The following SPATC1L variants were observed in gnomAD, a reference collection of about 807,000 sequenced individuals.
SPATC1L encodes spermatogenesis and centriole associated 1 like.
Under a neutral mutation model 21.2 loss-of-function variants are expected in SPATC1L, and 20 were observed. The ratio of observed to expected loss-of-function variants is 0.94; its 90% CI spans 0.66 to 1.37. The LOEUF (loss-of-function observed/expected upper bound fraction) is 1.37, where lower values mean the gene tolerates loss of function less well. Ranked by LOEUF, SPATC1L falls within the 40% of genes most tolerant of loss-of-function variation. SPATC1L has a pLI of 0.00. For missense variants in SPATC1L, 499 were observed against 478.7 expected, an observed-to-expected ratio of 1.04 and a Z score of -0.40; for synonymous variants, 290 against 234.5, an observed-to-expected ratio of 1.24 and a Z score of -2.16.
chr21:46,168,433 A>C lies in SPATC1L; in HGVS notation c.419T>G (p.Leu140Trp). 2 of 1,611,016 alleles carry C rather than the reference A, an allele frequency of 1.2e-6. No individual in the cohort carries two copies. The highest frequency in any genetic ancestry group is 1.7e-6 in the Non-Finnish European group (2 of 1,178,502). The change falls in exon 3 of 5, where the codon TTG becomes TGG. Residue 140 changes from leucine (L) to tryptophan (W), a missense_variant. Coordinates refer to ENST00000291672, the MANE Select transcript of SPATC1L (RefSeq NM_001142854.2). ...GGTCTTGTCCACCAGTGAGTCTTGCAAGGGGCTCAGGAGCGGGGACAGCTT... is the reference window on the plus strand; with the variant it reads ...GGTCTTGTCCACCAGTGAGTCTTGCCAGGGGCTCAGGAGCGGGGACAGCTT... ...DRKLSPLLSP[L>W]QDSLVDKTLL...
chr21:46,162,002 C>T lies in SPATC1L; in HGVS notation c.610G>A (p.Asp204Asn). The change falls in exon 4 of 5, where the codon GAC becomes AAC. Residue 204 changes from aspartate to asparagine, a missense_variant. Coordinates refer to ENST00000291672, the MANE Select transcript of SPATC1L (RefSeq NM_001142854.2). Reference protein sequence around the residue: ...RVVGEIAFQLDRRILAYVFPG... With the variant: ...RVVGEIAFQLNRRILAYVFPG... ...AACACGTAGGCCAGGATGCGGCGGT[C>T]CAGCTGGAAGGCGATCTCGCCCACC... 6.2e-7 allele frequency: 1 copy of T among 1,603,344 alleles called. No homozygotes were observed. The highest frequency in any genetic ancestry group is 8.5e-7 in the Non-Finnish European group (1 of 1,177,144).
chr21:46,168,780 T>C, intron 2 of SPATC1L, 122 bp from the exon 3 acceptor site: 1 of 550,734 alleles, frequency 1.8e-6, no homozygotes, highest in Non-Finnish European at 2.8e-6. Context: ...CCTGCCGGGG[T>C]TTCCCTGGCT....
chr21:46,169,249 T>C (rs2079564238), intron 2 of SPATC1L, among the ~76,000 whole-genome samples: 1 of 151,558 alleles, frequency 6.6e-6, no homozygotes, highest in African/African-American at 2.4e-5. Context: ...CCTTCTGCTC[T>C]GTGAGCATCC....
At chr21:46,164,942 A>G (rs189254534) in intron 3 of SPATC1L, among the ~76,000 whole-genome samples, 1 of 152,300 alleles carries the variant, frequency 6.6e-6, no homozygotes, top group African/African-American at 2.4e-5. Context: ...TGTAAGATCC[A>G]GCCAAAAACC....
At position 46,172,954 on chromosome 21, in the gene SPATC1L, C is replaced by T. The variant is rs577744893; in HGVS notation, c.194-4296G>A. Among the ~76,000 whole-genome samples the T allele has an allele frequency of 4.6e-5, 7 of 152,326 alleles. No homozygotes were observed. The East Asian group carries it at 1.2e-3, about 25-fold the overall frequency. On this transcript the variant is annotated intron_variant, in intron 2 of 4. Coordinates refer to ENST00000291672, the MANE Select transcript of SPATC1L (RefSeq NM_001142854.2). ...GGAGCAACCCACTGTTGCCATGGGC[C>T]TCTGGAACCCCAGCTGGGGGAGACC...
Position 46,168,565 on chromosome 21 carries a change from AG to A in SPATC1L, c.286del (p.Leu96CysfsTer42), listed in dbSNP as rs755647414. On this transcript the variant is annotated frameshift_variant, in exon 3 of 5. Transcript: ENST00000291672. LOFTEE classifies it high-confidence loss of function. ...CGGGGAGGTGTCGTCCTCGCTGGAC[AG>A]GGGGGCATGTGAGCACAGCAGGTCC... is the stretch of plus-strand genomic sequence containing the variant. ...LEDLLCSHAP[L>X]SSEDDTSPGC... The A allele has an allele frequency of 2.2e-5, 33 of 1,485,878 alleles. No homozygotes were observed. The highest frequency in any genetic ancestry group is 4.5e-6 in the Non-Finnish European group (5 of 1,103,152). 92.0% of individuals were successfully genotyped at this position (1,485,878 alleles called of 1,614,324 possible).
At chr21:46,173,625 C>T (rs1226262835) in intron 2 of SPATC1L, among the ~76,000 whole-genome samples, 3 of 152,138 alleles carry the variant, frequency 2.0e-5, no homozygotes, top group African/African-American at 7.2e-5. Context: ...TCCTCCCCCA[C>T]CCTGAGCGAT....
At chr21:46,167,232 T>A (rs1412759978) in intron 3 of SPATC1L, among the ~76,000 whole-genome samples, 1 of 152,102 alleles carries the variant, frequency 6.6e-6, no homozygotes, top group Non-Finnish European at 1.5e-5. Context: ...CAAATGATAA[T>A]GGAAACACAA....
intron 2 of SPATC1L, among the ~76,000 whole-genome samples, chr21:46,180,743 T>C (rs2079666108): frequency 6.6e-6 from 1 of 152,130 alleles, no homozygotes; most frequent in African/African-American, 2.4e-5. Flanking sequence ...TGGCAGAGTT[T>C]AGAGGGTGGT....
intron 2 of SPATC1L, among the ~76,000 whole-genome samples, chr21:46,169,898 C>CT (rs200624918): frequency 4.2e-3 from 1 of 236 alleles, no homozygotes. Context: ...GGGGAGGAGC[C>CT]CCTGCTCTGT....
At chr21:46,168,679 A>G in intron 2 of SPATC1L, 21 bp from the exon 3 acceptor site, 3 of 1,349,978 alleles carry the variant, frequency 2.2e-6, no homozygotes, top group African/African-American at 1.5e-5. Context: ...GAGGAAAGGG[A>G]TGAGAAATCA....
chr21:46,173,274 T>G (rs2079607301), intron 2 of SPATC1L, among the ~76,000 whole-genome samples: 2 of 151,962 alleles, frequency 1.3e-5, no homozygotes, highest in Admixed American at 1.3e-4. Flanking sequence ...AGGGCAGTCT[T>G]GGGTGCCCTG....
chr21:46,182,579 C>T lies in SPATC1L; in HGVS notation c.193+45G>A, dbSNP rs543964172. 1.4e-4 allele frequency: 198 copies of T among 1,420,286 alleles called. 1 individual carries two copies. Among genetic ancestry groups the T allele is most frequent in the Non-Finnish European group, 1.7e-4 (190 of 1,088,742 alleles). 88.0% of individuals were successfully genotyped at this position (1,420,286 alleles called of 1,614,324 possible). On this transcript the variant is annotated intron_variant, in intron 2 of 4. Coordinates refer to ENST00000291672, the MANE Select transcript of SPATC1L (RefSeq NM_001142854.2). ...CGACTCCCGGGGAGCAGGCGTCCCG[C>T]GACCCCCTCATCTACCAGGCCATCT...
chr21:46,161,803 C>T (rs2079496162), intron 4 of SPATC1L, 98 bp from the exon 5 acceptor site: 30 of 1,497,346 alleles, frequency 2.0e-5, no homozygotes, highest in Non-Finnish European at 2.4e-5. Context: ...GCCTGGGTCC[C>T]CGGGGTCCCC....
At position 46,182,661 on chromosome 21, in the gene SPATC1L, C is replaced by A; in HGVS notation, c.156G>T (p.Ala52=). The change falls in exon 2 of 5, where the codon GCG becomes GCT. Residue 52 remains alanine, a synonymous_variant. Transcript: ENST00000291672. ...GGGHDLLPPR[A]HAYPEAGSPG... Reference sequence around the variant, plus strand: ...GGGAGCCGGCCTCAGGGTAGGCATGCGCCCTGGGTGGGAGCAGGTCGTGGC... The same window carrying A: ...GGGAGCCGGCCTCAGGGTAGGCATGAGCCCTGGGTGGGAGCAGGTCGTGGC... 6.5e-7 allele frequency: 1 copy of A among 1,538,036 alleles called. No homozygotes were observed. The highest frequency in any genetic ancestry group is 1.4e-5 in the African/African-American group (1 of 72,968).
chr21:46,172,914 G>T (rs13051649), intron 2 of SPATC1L, among the ~76,000 whole-genome samples: 110,505 of 152,048 alleles, frequency 0.73, 41,455 homozygotes, highest in East Asian at 1. Flanking sequence ...GGAAATGGGG[G>T]AGTTAAACGG....
chr21:46,178,666 C>T (rs1209351171), intron 2 of SPATC1L, among the ~76,000 whole-genome samples: 3 of 151,816 alleles, frequency 2.0e-5, no homozygotes, highest in African/African-American at 7.3e-5. Context: ...GTGGGTGGAT[C>T]ACCTGAGATC....
At chr21:46,173,067 G>T (rs1251697842) in intron 2 of SPATC1L, among the ~76,000 whole-genome samples, 2 of 152,208 alleles carry the variant, frequency 1.3e-5, no homozygotes. Flanking sequence ...GAACCCAGAG[G>T]GTCTGGTGCA....
chr21:46,181,848 G>A (rs2079676596), intron 2 of SPATC1L, among the ~76,000 whole-genome samples: 1 of 152,192 alleles, frequency 6.6e-6, no homozygotes, highest in South Asian at 2.1e-4. Flanking sequence ...TCTGTCCTCT[G>A]CCCACCATCC....
Sources: gnomAD v4.1 joint callset for allele counts (sites outside exome capture counted in the v4.1 genomes callset) on GRCh38, gnomAD v4.1.1 for gene constraint, MANE v1.5 for transcripts, NCBI Gene and HGNC (gene_info 2026-07-23, HGNC 2026-07-21) for gene names.